The following FXR1 variants were observed in gnomAD, a reference collection of about 807,000 sequenced individuals.
FXR1 encodes the protein FMR1 autosomal homolog 1, also known as RNA-binding protein FXR1.
Under a neutral mutation model 84.0 loss-of-function variants are expected in FXR1, and 15 were observed. That is an observed-to-expected ratio of 0.18 (90% CI 0.12 to 0.27). The LOEUF is 0.27. Among genes scored for constraint, FXR1 ranks in the 10% least tolerant of loss-of-function variants. FXR1 has a pLI of 1.00. For missense variants in FXR1, 480 were observed against 774.4 expected (o/e 0.62, Z 4.51); for synonymous variants, 245 against 250.7 (o/e 0.98, Z 0.21).
At chr3:180,965,556 G>A (rs1050905927) in intron 13 of FXR1, among the ~76,000 whole-genome samples, 5 of 152,142 alleles carry the variant, frequency 3.3e-5, no homozygotes, top group Admixed American at 2.6e-4. Flanking sequence ...GCTGGGCTAC[G>A]TTTCTTTCTG....
At chr3:180,914,836 A>G (rs1717687384) in intron 1 of FXR1, 1 of 984,972 alleles carries the variant, frequency 1.0e-6, no homozygotes, top group African/African-American at 1.7e-5. Context: ...CTGTGTGTGC[A>G]CTGAAATCAT....
Position 180,976,289 on chromosome 3 carries a change from A to C in FXR1, c.1863A>C (p.Ser621=). The C allele has an allele frequency of 6.3e-7, 1 of 1,583,038 alleles. No homozygotes were observed. The highest frequency in any genetic ancestry group is 1.7e-4 in the Middle Eastern group (1 of 5,922). The part of the protein sequence containing the change: ...TQEAAVLNGV[S] ...AAGCAGCAGTCCTGAATGGTGTTTC[A>C]TAAACTGAAGAAGTTCCTAGTTTAC... The change falls in exon 17 of 17, where the codon TCA becomes TCC. Residue 621 remains serine (S), a synonymous_variant. Transcript: ENST00000357559.
chr3:180,926,478 G>GTATATATATATATATATATA (rs34325096), intron 1 of FXR1, among the ~76,000 whole-genome samples: 1 of 75,400 alleles, frequency 1.3e-5, no homozygotes, highest in African/African-American at 7.2e-5. Context: ...GGATTGTACT[G>GTATATATATATATATATATA]TATATATATA....
chr3:180,978,672 C>T lies in FXR1; in HGVS notation c.*2380C>T, dbSNP rs1207001233. 6.6e-6 allele frequency: 1 copy of T among 152,050 alleles called. No individual in the cohort carries two copies. The highest frequency in any genetic ancestry group is 1.5e-5 in the Non-Finnish European group (1 of 67,990). The allele number at this position is 152,050 out of a possible 1,614,324, so 9.4% of individuals were successfully genotyped here. A position where few individuals can be genotyped will look rare whatever the true frequency, so the allele number is the denominator to read the frequency against. On this transcript the variant is annotated 3_prime_UTR_variant, in exon 17 of 17. Transcript: ENST00000357559. ...GCCTGAGGTGGGAGCATCATTTGAACTCAGTTCTGGGCCACTGAGACCCTC... is the reference window on the plus strand; with the variant it reads ...GCCTGAGGTGGGAGCATCATTTGAATTCAGTTCTGGGCCACTGAGACCCTC...
rs765066164 is a variant in FXR1 at position 180,942,377 on chromosome 3, C to CAAAAAA, written c.199-5465_199-5460dup. Among the ~76,000 whole-genome samples, 39 of 31,118 alleles carry CAAAAAA rather than the reference C, an allele frequency of 1.3e-3. 6 individuals are homozygous for CAAAAAA. The highest frequency in any genetic ancestry group is 4.2e-3 in the South Asian group (2 of 478). The allele number at this position is 31,118 out of a possible 152,430, so 20.4% of individuals were successfully genotyped here. On this transcript the variant is annotated intron_variant, in intron 3 of 16. Transcript: ENST00000357559. Reference sequence around the variant, plus strand: ...TGGGCGACAGAGCGAGACTCCGTCTCAAAAAAAAAAAAAAAAAAAAAAAAA... The same window carrying CAAAAAA: ...TGGGCGACAGAGCGAGACTCCGTCTCAAAAAAAAAAAAAAAAAAAAAAAAAAAAAAA...
At chr3:180,954,872 A>ATTTT (rs11328945) in intron 9 of FXR1, among the ~76,000 whole-genome samples, 2 of 114,538 alleles carry the variant, frequency 1.7e-5, no homozygotes, top group African/African-American at 3.4e-5. Context: ...TTCTAAAAAG[A>ATTTT]TTTTTTTTTT....
At chr3:180,934,778 T>C (rs1313148379) in intron 2 of FXR1, among the ~76,000 whole-genome samples, 1 of 152,182 alleles carries the variant, frequency 6.6e-6, no homozygotes, top group Non-Finnish European at 1.5e-5. Context: ...TACTATTTAT[T>C]GGGCAGCTGT....
chr3:180,933,630 G>A (rs1003069163), intron 2 of FXR1, among the ~76,000 whole-genome samples: 53 of 152,284 alleles, frequency 3.5e-4, no homozygotes, highest in Middle Eastern at 3.4e-3. Flanking sequence ...TGCAGAAATA[G>A]ATGGCACAAA....
chr3:180,958,516 C>G (rs751070116), intron 10 of FXR1, among the ~76,000 whole-genome samples: 1 of 152,186 alleles, frequency 6.6e-6, no homozygotes, highest in African/African-American at 2.4e-5. Flanking sequence ...TGAATTACTT[C>G]ATTTAGAATA....
chr3:180,941,418 C>G (rs1721109177), intron 3 of FXR1, among the ~76,000 whole-genome samples: 1 of 152,052 alleles, frequency 6.6e-6, no homozygotes, highest in South Asian at 2.1e-4. Context: ...GTCTTGAACT[C>G]CTGGGCTCAA....
chr3:180,914,021 C>T (rs372806330), intron 1 of FXR1, among the ~76,000 whole-genome samples: 2 of 152,132 alleles, frequency 1.3e-5, no homozygotes, highest in East Asian at 3.9e-4. Flanking sequence ...CACGTGGTAC[C>T]AGCATAATGG....
At chr3:180,971,072 CAGATG>C in intron 15 of FXR1, 1 of 1,203,112 alleles carries the variant, frequency 8.3e-7, no homozygotes, top group Non-Finnish European at 1.1e-6. Flanking sequence ...TTTGCAATTA[CAGATG>C]ATAGTGAAAA....
intron 1 of FXR1, among the ~76,000 whole-genome samples, chr3:180,919,677 A>G (rs1405179452): frequency 6.7e-6 from 1 of 148,414 alleles, no homozygotes; most frequent in Non-Finnish European, 1.5e-5. Context: ...CTTTTCATGC[A>G]TTTTGTTTTA....
chr3:180,934,455 A>G (rs1720299536), intron 2 of FXR1, among the ~76,000 whole-genome samples: 1 of 152,230 alleles, frequency 6.6e-6, no homozygotes, highest in South Asian at 2.1e-4. Context: ...TTTAAAATAC[A>G]ACATGAAAAA....
At position 180,946,440 on chromosome 3, in the gene FXR1, G is replaced by A. The variant is rs546373758; in HGVS notation, c.199-1425G>A. On this transcript the variant is annotated intron_variant, in intron 3 of 16. Coordinates refer to ENST00000357559, the MANE Select transcript of FXR1 (RefSeq NM_005087.4). ...ATACATATAATAATTACAGAATAAGGGTGAGTTCTGTTCTAGTCTTAGAGA... is the reference window on the plus strand; with the variant it reads ...ATACATATAATAATTACAGAATAAGAGTGAGTTCTGTTCTAGTCTTAGAGA... Among the ~76,000 whole-genome samples the A allele has an allele frequency of 1.1e-4, 17 of 152,202 alleles. No homozygotes were observed. In the South Asian group the frequency reaches 1.7e-3, roughly 15 times the overall value.
At chr3:180,933,502 GGT>G (rs1720179217) in intron 2 of FXR1, 116 bp downstream of exon 2, 2 of 684,702 alleles carry the variant, frequency 2.9e-6, no homozygotes, top group East Asian at 5.3e-5. Context: ...GGAGTGGGGA[GGT>G]TTGGTTGTTT....
intron 7 of FXR1, among the ~76,000 whole-genome samples, chr3:180,950,652 A>G (rs1008937443): frequency 4.6e-5 from 7 of 151,932 alleles, no homozygotes; most frequent in Non-Finnish European, 7.4e-5. Flanking sequence ...TCCCCTTTCC[A>G]CAGCCCCTGA....
intron 1 of FXR1, chr3:180,933,053 T>TGC (rs529003005): frequency 3.8e-4 from 131 of 341,654 alleles, no homozygotes; most frequent in Non-Finnish European, 6.5e-4. Flanking sequence ...ACTAAATAAC[T>TGC]GCCTTGCTGA....
Position 180,974,715 on chromosome 3 carries a change from G to C in FXR1, c.1604-598G>C, listed in dbSNP as rs1410563518. 6.6e-5 allele frequency among the ~76,000 whole-genome samples: 10 copies of C among 152,090 alleles called. No homozygotes were observed. In the East Asian group the frequency reaches 1.9e-3, roughly 29 times the overall value. On this transcript the variant is annotated intron_variant, in intron 15 of 16. Coordinates refer to ENST00000357559, the MANE Select transcript of FXR1 (RefSeq NM_005087.4). ...GATCAATGTCCACATTTTTAGGGTGGTGGTCTGTCATCTTTAGTTTGCTTG... is the reference window on the plus strand; with the variant it reads ...GATCAATGTCCACATTTTTAGGGTGCTGGTCTGTCATCTTTAGTTTGCTTG...
Sources: gnomAD v4.1 joint callset for allele counts (sites outside exome capture counted in the v4.1 genomes callset) on GRCh38, gnomAD v4.1.1 for gene constraint, MANE v1.5 for transcripts, NCBI Gene and HGNC (gene_info 2026-07-23, HGNC 2026-07-21) for gene names.